The following NRXN3 variants were observed in gnomAD, a reference collection of about 807,000 sequenced individuals.
The protein encoded by NRXN3 is neurexin 3.
Under a neutral mutation model 137.6 loss-of-function variants are expected in NRXN3, and 32 were observed. That is an observed-to-expected ratio of 0.23 (90% CI 0.18 to 0.31). The LOEUF is 0.31. Ranked by LOEUF, NRXN3 falls within the 10% of genes least tolerant of loss-of-function variation. The pLI, the probability that NRXN3 is intolerant of heterozygous loss-of-function variation, is 1.00. For synonymous variants in NRXN3, 798 were observed against 784.5 expected (o/e 1.02, Z -0.29); for missense variants, 1,574 against 2,062.5 (o/e 0.76, Z 4.59).
chr14:78,241,449 GTCTCTACTAAAAATACAAAAA>G (rs2067071395), intron 1 of NRXN3, among the ~76,000 whole-genome samples: 1 of 151,684 alleles, frequency 6.6e-6, no homozygotes, highest in Admixed American at 6.6e-5. Context: ...ATGAAACTCC[GTCTCTACTAAAAATACAAAAA>G]TTAGCTGTGC....
In NRXN3 at chr14:78,563,984, T is replaced by C. The variant is rs142052986; in HGVS notation, c.758-81136T>C. Among the ~76,000 whole-genome samples the C allele has an allele frequency of 5.7e-3, 862 of 152,340 alleles. 7 individuals carry two copies. Among genetic ancestry groups the C allele is most frequent in the African/African-American group, 0.02 (825 of 41,568 alleles). On this transcript the variant is annotated intron_variant, in intron 4 of 20. Transcript: ENST00000335750. The stretch of plus-strand genomic sequence containing the variant: ...ATTTCATGTCTTCCGTGGTGTCTCC[T>C]ACCTTTAAATGTCAGTCTCTGCAGC...
intron 8 of NRXN3, among the ~76,000 whole-genome samples, chr14:78,739,745 A>G (rs1383359154): frequency 6.6e-6 from 1 of 152,106 alleles, no homozygotes; most frequent in East Asian, 1.9e-4. Flanking sequence ...GTGAGCCACC[A>G]CATCCAGCCA....
At chr14:78,827,725 G>T (rs2098970964) in intron 10 of NRXN3, among the ~76,000 whole-genome samples, 1 of 152,202 alleles carries the variant, frequency 6.6e-6, no homozygotes, top group Admixed American at 6.5e-5. Context: ...GCACTGCAGT[G>T]GGAGCTGACA....
At chr14:79,858,584 C>G (rs1162373328) in intron 20 of NRXN3, among the ~76,000 whole-genome samples, 1 of 152,016 alleles carries the variant, frequency 6.6e-6, no homozygotes, top group African/African-American at 2.4e-5. Flanking sequence ...GAACAAATGA[C>G]TCGGTGTTTG....
At chr14:78,171,363 C>T (rs760724199) in intron 1 of NRXN3, among the ~76,000 whole-genome samples, 20 of 151,046 alleles carry the variant, frequency 1.3e-4, no homozygotes, top group South Asian at 4.2e-4. Flanking sequence ...TGTGTGTGCG[C>T]GGGTGTGTGC....
intron 19 of NRXN3, among the ~76,000 whole-genome samples, chr14:79,783,263 G>A (rs1203564832): frequency 6.6e-6 from 1 of 152,198 alleles, no homozygotes; most frequent in Non-Finnish European, 1.5e-5. Flanking sequence ...GAGGCTGCAG[G>A]TCTTTGTTAC....
At chr14:78,353,374 G>T (rs1597670944) in intron 4 of NRXN3, among the ~76,000 whole-genome samples, 1 of 152,142 alleles carries the variant, frequency 6.6e-6, no homozygotes, top group Non-Finnish European at 1.5e-5. Context: ...CAAGATCAAG[G>T]CACCAGCAGA....
chr14:79,557,391 C>A (rs571388466), intron 16 of NRXN3, among the ~76,000 whole-genome samples: 1 of 152,226 alleles, frequency 6.6e-6, no homozygotes, highest in South Asian at 2.1e-4. Flanking sequence ...CCATCAACAT[C>A]CATGTAATTA....
At chr14:79,022,970 A>T (rs2099592070) in intron 15 of NRXN3, among the ~76,000 whole-genome samples, 1 of 152,178 alleles carries the variant, frequency 6.6e-6, no homozygotes, top group African/African-American at 2.4e-5. Context: ...GTGGGGTTCC[A>T]GTTGCCAAGC....
At chr14:79,560,602 T>C (rs2097486144) in intron 16 of NRXN3, among the ~76,000 whole-genome samples, 1 of 140,428 alleles carries the variant, frequency 7.1e-6, no homozygotes, top group Non-Finnish European at 1.5e-5. Context: ...CCTCCGCCTC[T>C]TGGGTTGAAG....
chr14:79,043,193 G>A (rs544697398), intron 15 of NRXN3, among the ~76,000 whole-genome samples: 27 of 152,292 alleles, frequency 1.8e-4, no homozygotes, highest in African/African-American at 6.5e-4. Context: ...TGGTTAATAA[G>A]CATGTACAAT....
intron 19 of NRXN3, among the ~76,000 whole-genome samples, chr14:79,768,237 G>C (rs905936015): frequency 2.0e-5 from 3 of 152,244 alleles, no homozygotes; most frequent in Non-Finnish European, 4.4e-5. Context: ...GGTAAACAAA[G>C]CAGCCAGGAA....
intron 10 of NRXN3, among the ~76,000 whole-genome samples, chr14:78,925,418 A>C (rs1267005380): frequency 6.6e-6 from 1 of 152,228 alleles, no homozygotes; most frequent in Non-Finnish European, 1.5e-5. Flanking sequence ...GCCATGGTAC[A>C]CTTCAAAATT....
intron 15 of NRXN3, among the ~76,000 whole-genome samples, chr14:79,453,715 C>G (rs375278259): frequency 2.0e-5 from 3 of 152,202 alleles, no homozygotes; most frequent in East Asian, 1.9e-4. Context: ...CTTTCACATT[C>G]TAATCTGTAT....
chr14:78,740,760 C>T (rs1459469661), intron 8 of NRXN3, among the ~76,000 whole-genome samples: 5 of 152,010 alleles, frequency 3.3e-5, no homozygotes, highest in African/African-American at 1.2e-4. Flanking sequence ...ATCTTATGCC[C>T]TAATTATCAG....
At chr14:79,434,302 G>T (rs953265281) in intron 15 of NRXN3, among the ~76,000 whole-genome samples, 1 of 151,938 alleles carries the variant, frequency 6.6e-6, no homozygotes, top group Admixed American at 6.6e-5. Context: ...GCAGCCATGC[G>T]CACAGGTGCA....
At chr14:79,288,771 G>C (rs1238088063) in intron 15 of NRXN3, among the ~76,000 whole-genome samples, 1 of 152,168 alleles carries the variant, frequency 6.6e-6, no homozygotes, top group Non-Finnish European at 1.5e-5. Context: ...CCTTTCCAAA[G>C]CATCTACAAG....
intron 15 of NRXN3, among the ~76,000 whole-genome samples, chr14:79,358,774 C>A (rs2093577777): frequency 1.3e-5 from 2 of 152,166 alleles, no homozygotes; most frequent in African/African-American, 4.8e-5. Context: ...CCCTATTCTC[C>A]TTGAGGAACT....
chr14:79,186,235 G>A (rs2370933), intron 15 of NRXN3, among the ~76,000 whole-genome samples: 40,185 of 143,634 alleles, frequency 0.28, 6,209 homozygotes, highest in Non-Finnish European at 0.37. Flanking sequence ...AAATCGTGAC[G>A]TCAAGGGTGT....
Sources: allele counts gnomAD v4.1 joint callset (sites outside exome capture counted in the v4.1 genomes callset), GRCh38; gene constraint gnomAD v4.1.1; transcripts MANE v1.5; gene names NCBI Gene and HGNC (gene_info 2026-07-23, HGNC 2026-07-21).